The following HS2ST1 variants were observed in gnomAD, a reference collection of about 807,000 sequenced individuals.
HS2ST1 encodes the protein heparan sulfate 2-O-sulfotransferase 1, also known as 2-O-sulfotransferase.
Under a neutral mutation model 42.9 loss-of-function variants are expected in HS2ST1, and 18 were observed. The ratio of observed to expected loss-of-function variants is 0.42; its 90% CI spans 0.29 to 0.62. HS2ST1 has a LOEUF of 0.62. Among genes scored for constraint, HS2ST1 ranks in the 20% least tolerant of loss-of-function variants. The pLI, the probability that HS2ST1 is intolerant of heterozygous loss-of-function variation, is 0.21. For missense variants in HS2ST1, 334 were observed against 433.8 expected (o/e 0.77, Z 2.04); for synonymous variants, 146 against 152.9 (o/e 0.95, Z 0.33).
intron 2 of HS2ST1, among the ~76,000 whole-genome samples, chr1:87,079,681 T>C (rs904356020): frequency 2.0e-5 from 3 of 152,146 alleles, no homozygotes; most frequent in African/African-American, 2.4e-5. Flanking sequence ...ATATTACATG[T>C]CTAGCCTTTA....
At chr1:86,953,392 A>G (rs1159464900) in intron 1 of HS2ST1, among the ~76,000 whole-genome samples, 4 of 152,310 alleles carry the variant, frequency 2.6e-5, no homozygotes, top group Middle Eastern at 3.4e-3. Context: ...CTTCCTTTGC[A>G]TTCTCAACTT....
chr1:87,026,218 G>T (rs1650083566), intron 1 of HS2ST1, among the ~76,000 whole-genome samples: 1 of 152,196 alleles, frequency 6.6e-6, no homozygotes, highest in African/African-American at 2.4e-5. Flanking sequence ...AGTCACCAAT[G>T]TTTATTGGCC....
At chr1:86,985,507 C>T (rs201764863) in intron 1 of HS2ST1, among the ~76,000 whole-genome samples, 37 of 75,882 alleles carry the variant, frequency 4.9e-4, no homozygotes, top group African/African-American at 1.0e-3. Context: ...CACATATATA[C>T]ACATATATAT....
chr1:87,061,228 T>C (rs1651112832), intron 1 of HS2ST1, among the ~76,000 whole-genome samples: 1 of 152,142 alleles, frequency 6.6e-6, no homozygotes, highest in Non-Finnish European at 1.5e-5. Flanking sequence ...TATTATAAGA[T>C]CTCAATATTT....
chr1:87,071,061 A>G (rs1301139623), intron 1 of HS2ST1, among the ~76,000 whole-genome samples: 1 of 152,240 alleles, frequency 6.6e-6, no homozygotes, highest in Non-Finnish European at 1.5e-5. Flanking sequence ...CCCCAGAATA[A>G]AAGAGTATGT....
chr1:87,022,569 A>G (rs1649980088), intron 1 of HS2ST1, among the ~76,000 whole-genome samples: 1 of 152,174 alleles, frequency 6.6e-6, no homozygotes, highest in Non-Finnish European at 1.5e-5. Context: ...AAATAAAATA[A>G]ACATGGTACT....
At chr1:87,043,059 A>G (rs1421418648) in intron 1 of HS2ST1, among the ~76,000 whole-genome samples, 1 of 152,138 alleles carries the variant, frequency 6.6e-6, no homozygotes, top group Admixed American at 6.5e-5. Flanking sequence ...CCAGAGAAAT[A>G]ACAGACACAT....
At chr1:87,097,364 C>G (rs72955598) in intron 4 of HS2ST1, among the ~76,000 whole-genome samples, 1 of 152,104 alleles carries the variant, frequency 6.6e-6, no homozygotes, top group Non-Finnish European at 1.5e-5. Context: ...CTGCCTGTTA[C>G]AAGGCAGTAT....
At chr1:86,987,600 C>G (rs1481724224) in intron 1 of HS2ST1, among the ~76,000 whole-genome samples, 1 of 152,190 alleles carries the variant, frequency 6.6e-6, no homozygotes, top group Non-Finnish European at 1.5e-5. Context: ...TTTTGGAGAT[C>G]TGGCTGCAGA....
intron 5 of HS2ST1, among the ~76,000 whole-genome samples, chr1:87,099,448 TGAGCGA>T (rs1192107805): frequency 6.6e-6 from 1 of 152,190 alleles, no homozygotes; most frequent in East Asian, 1.9e-4. Flanking sequence ...TTACGTGAAC[TGAGCGA>T]GAGCTCAGTT....
chr1:87,093,982 C>T (rs1652006444), intron 4 of HS2ST1, among the ~76,000 whole-genome samples: 1 of 152,010 alleles, frequency 6.6e-6, no homozygotes, highest in Admixed American at 6.6e-5. Flanking sequence ...TGCTATCTCT[C>T]AGCATTATTT....
At chr1:86,975,775 A>G (rs1428633308) in intron 1 of HS2ST1, among the ~76,000 whole-genome samples, 1 of 152,196 alleles carries the variant, frequency 6.6e-6, no homozygotes, top group Non-Finnish European at 1.5e-5. Flanking sequence ...ATGTATTTAA[A>G]AGCATTATCA....
chr1:86,994,222 A>G (rs1345031591), intron 1 of HS2ST1, among the ~76,000 whole-genome samples: 1 of 152,244 alleles, frequency 6.6e-6, no homozygotes. Flanking sequence ...TCATCATTAT[A>G]TAATCCATTC....
intron 1 of HS2ST1, among the ~76,000 whole-genome samples, chr1:87,007,307 A>G (rs1323017198): frequency 6.6e-6 from 1 of 152,096 alleles, no homozygotes; most frequent in Non-Finnish European, 1.5e-5. Context: ...ATATGTGTAC[A>G]TGCATTTTCT....
intron 2 of HS2ST1, among the ~76,000 whole-genome samples, chr1:87,074,261 T>A (rs1001525748): frequency 1.3e-5 from 2 of 152,206 alleles, no homozygotes; most frequent in African/African-American, 2.4e-5. Flanking sequence ...AGAAGAAACA[T>A]GAGTTGTTTT....
chr1:87,081,396 C>G (rs1020517347), intron 2 of HS2ST1, among the ~76,000 whole-genome samples: 1 of 151,972 alleles, frequency 6.6e-6, no homozygotes, highest in African/African-American at 2.4e-5. Flanking sequence ...AACTAGAAAC[C>G]AATAGCAAGA....
intron 1 of HS2ST1, among the ~76,000 whole-genome samples, chr1:86,983,994 C>A (rs972029885): frequency 6.6e-6 from 1 of 151,020 alleles, no homozygotes; most frequent in African/African-American, 2.4e-5. Context: ...GAGCTGAGAT[C>A]GCGCCATTGA....
chr1:87,082,049 C>A (rs550527419), intron 2 of HS2ST1, among the ~76,000 whole-genome samples: 1 of 151,728 alleles, frequency 6.6e-6, no homozygotes, highest in East Asian at 1.9e-4. Flanking sequence ...ACTTTTAGCC[C>A]AGGATAAAAA....
chr1:87,003,607 A>G (rs1261179529), intron 1 of HS2ST1, among the ~76,000 whole-genome samples: 1 of 152,218 alleles, frequency 6.6e-6, no homozygotes, highest in Non-Finnish European at 1.5e-5. Flanking sequence ...TGTCAAATAC[A>G]GTCAGCTCCC....
Sources: allele counts gnomAD v4.1 joint callset (sites outside exome capture counted in the v4.1 genomes callset), GRCh38; gene constraint gnomAD v4.1.1; transcripts MANE v1.5; gene names NCBI Gene and HGNC (gene_info 2026-07-23, HGNC 2026-07-21).